The following ADAMTS3 variants were observed in gnomAD, a reference collection of about 807,000 sequenced individuals.
The protein encoded by ADAMTS3 is A disintegrin and metalloproteinase with thrombospondin motifs 3.
In ADAMTS3, 73 loss-of-function variants were observed where a neutral mutation model predicts 129.0. That is an observed-to-expected ratio of 0.57 (90% CI 0.47 to 0.69). The LOEUF (loss-of-function observed/expected upper bound fraction) is 0.69, where lower values mean the gene tolerates loss of function less well. ADAMTS3 is among the 30% of genes least tolerant of loss of function. ADAMTS3 has a pLI of 0.00. For synonymous variants in ADAMTS3, 477 were observed against 510.8 expected (o/e 0.93, Z 0.89); for missense variants, 1,457 against 1,514.5 (o/e 0.96, Z 0.63).
intron 4 of ADAMTS3, among the ~76,000 whole-genome samples, chr4:72,374,042 A>T (rs766241086): frequency 1.3e-5 from 2 of 151,960 alleles, no homozygotes; most frequent in African/African-American, 2.4e-5. Flanking sequence ...GCACTCATGA[A>T]TAAGACTAAT....
chr4:72,283,796 G>T (rs1718424837), intron 21 of ADAMTS3, 92 bp from the exon 22 acceptor site: 2 of 1,118,512 alleles, frequency 1.8e-6, no homozygotes, highest in African/African-American at 3.2e-5. Context: ...AATGTAAAAA[G>T]ATTTAAGTGC....
chr4:72,406,270 G>T (rs1722050189), intron 4 of ADAMTS3, among the ~76,000 whole-genome samples: 1 of 152,106 alleles, frequency 6.6e-6, no homozygotes, highest in Non-Finnish European at 1.5e-5. Context: ...AAGATAGCCA[G>T]CCCAGCAATG....
intron 4 of ADAMTS3, among the ~76,000 whole-genome samples, chr4:72,394,242 A>G (rs1315230335): frequency 6.7e-6 from 1 of 148,752 alleles, no homozygotes; most frequent in Non-Finnish European, 1.5e-5. Context: ...TTCACTGCCC[A>G]CCAGAATACT....
intron 3 of ADAMTS3, among the ~76,000 whole-genome samples, chr4:72,545,783 G>T (rs1721449952): frequency 6.6e-6 from 1 of 152,134 alleles, no homozygotes; most frequent in South Asian, 2.1e-4. Flanking sequence ...CAGACATCGA[G>T]TTCTCTCATT....
At chr4:72,450,439 G>A (rs1208227695) in intron 3 of ADAMTS3, among the ~76,000 whole-genome samples, 1 of 151,594 alleles carries the variant, frequency 6.6e-6, no homozygotes. Flanking sequence ...CTGTGTAAGA[G>A]GCATCCAAGT....
intron 2 of ADAMTS3, among the ~76,000 whole-genome samples, chr4:72,549,873 G>A (rs1368781306): frequency 1.0e-4 from 15 of 147,090 alleles, no homozygotes; most frequent in African/African-American, 3.8e-4. Flanking sequence ...CACTTTAAAG[G>A]AACTATTATA....
intron 3 of ADAMTS3, among the ~76,000 whole-genome samples, chr4:72,542,530 T>C (rs1189412473): frequency 6.6e-6 from 1 of 152,236 alleles, no homozygotes; most frequent in Non-Finnish European, 1.5e-5. Flanking sequence ...AGTTTAACAA[T>C]AAATTGTGTT....
At chr4:72,370,172 A>C (rs936953171) in intron 4 of ADAMTS3, among the ~76,000 whole-genome samples, 1 of 152,148 alleles carries the variant, frequency 6.6e-6, no homozygotes, top group Non-Finnish European at 1.5e-5. Flanking sequence ...ACAACTCATT[A>C]CCAAAAGAGC....
intron 4 of ADAMTS3, among the ~76,000 whole-genome samples, chr4:72,341,575 G>A (rs1453121678): frequency 6.6e-6 from 1 of 152,180 alleles, no homozygotes; most frequent in Non-Finnish European, 1.5e-5. Context: ...TCAGACATGA[G>A]CTCTCAATTC....
At chr4:72,529,932 TATATTATA>T in intron 3 of ADAMTS3, among the ~76,000 whole-genome samples, 1 of 61,206 alleles carries the variant, frequency 1.6e-5, no homozygotes, top group South Asian at 4.7e-4. Flanking sequence ...TATTATATAA[TATATTATA>T]TTTATATATA....
intron 10 of ADAMTS3, among the ~76,000 whole-genome samples, chr4:72,318,332 T>TAAG (rs1719454646): frequency 6.6e-6 from 1 of 152,210 alleles, no homozygotes; most frequent in Non-Finnish European, 1.5e-5. Context: ...GCTTAATCTC[T>TAAG]AAGTCTTGGC....
intron 5 of ADAMTS3, among the ~76,000 whole-genome samples, chr4:72,331,438 C>T (rs1719848720): frequency 6.6e-6 from 1 of 152,022 alleles, no homozygotes; most frequent in South Asian, 2.1e-4. Flanking sequence ...GTAACAGAGT[C>T]TCTCTCCTCC....
intron 3 of ADAMTS3, among the ~76,000 whole-genome samples, chr4:72,546,907 G>A (rs1195472753): frequency 6.6e-6 from 1 of 152,152 alleles, no homozygotes; most frequent in Non-Finnish European, 1.5e-5. Flanking sequence ...CATTTCAAAG[G>A]TGTAGAAGTA....
chr4:72,439,797 A>G (rs1452786893), intron 3 of ADAMTS3, among the ~76,000 whole-genome samples: 1 of 151,616 alleles, frequency 6.6e-6, no homozygotes, highest in Non-Finnish European at 1.5e-5. Flanking sequence ...ACCGTGGCAT[A>G]GTAATATTGT....
intron 4 of ADAMTS3, among the ~76,000 whole-genome samples, chr4:72,377,887 A>G (rs1721173713): frequency 6.6e-6 from 1 of 152,206 alleles, no homozygotes; most frequent in African/African-American, 2.4e-5. Flanking sequence ...TAAAAACTGG[A>G]AAATCAGGGA....
intron 3 of ADAMTS3, among the ~76,000 whole-genome samples, chr4:72,465,043 T>C (rs1718882536): frequency 6.6e-6 from 1 of 152,016 alleles, no homozygotes; most frequent in South Asian, 2.1e-4. Context: ...ATGAAGTTGA[T>C]AATCCAGTTC....
intron 5 of ADAMTS3, among the ~76,000 whole-genome samples, chr4:72,328,539 A>G (rs78413339): frequency 0.06 from 9,179 of 152,138 alleles, 810 homozygotes; most frequent in East Asian, 0.26. Context: ...CCTGGATTCA[A>G]TCTTAGTTGT....
chr4:72,545,958 A>G (rs943258614), intron 3 of ADAMTS3, among the ~76,000 whole-genome samples: 3 of 152,202 alleles, frequency 2.0e-5, no homozygotes, highest in East Asian at 1.9e-4. Flanking sequence ...AATGTTCTCA[A>G]TCATAGGCAT....
intron 4 of ADAMTS3, among the ~76,000 whole-genome samples, chr4:72,382,653 G>A (rs1404250048): frequency 2.6e-5 from 4 of 152,026 alleles, no homozygotes; most frequent in Non-Finnish European, 4.4e-5. Flanking sequence ...CAGTGAACTG[G>A]ATAAACAAAA....
Sources: allele counts gnomAD v4.1 joint callset (sites outside exome capture counted in the v4.1 genomes callset), GRCh38; gene constraint gnomAD v4.1.1; transcripts MANE v1.5; gene names NCBI Gene and HGNC (gene_info 2026-07-23, HGNC 2026-07-21).